The following NCAM2 variants were observed in gnomAD, a reference collection of about 807,000 sequenced individuals.
The protein encoded by NCAM2 is N-CAM-2.
In NCAM2, 30 loss-of-function variants were observed where a neutral mutation model predicts 98.1. The observed-to-expected ratio is 0.31, with a 90% CI of 0.23 to 0.41. NCAM2 has a LOEUF of 0.41. Ranked by LOEUF, NCAM2 falls within the 10% of genes least tolerant of loss-of-function variation. The probability of loss-of-function intolerance (pLI) is 1.00; values close to 1 mark genes in which losing one functional copy is unlikely to be tolerated. For synonymous variants in NCAM2, 368 were observed against 342.4 expected (o/e 1.07, Z -0.83); for missense variants, 867 against 1,005.8 (o/e 0.86, Z 1.87).
chr21:21,303,006 A>G (rs2073769344), intron 5 of NCAM2, among the ~76,000 whole-genome samples: 1 of 152,120 alleles, frequency 6.6e-6, no homozygotes, highest in African/African-American at 2.4e-5. Flanking sequence ...AGAACTGAAA[A>G]CCAATACCAC....
chr21:20,999,712 T>C (rs1196070137), intron 1 of NCAM2, among the ~76,000 whole-genome samples: 8 of 152,242 alleles, frequency 5.3e-5, no homozygotes, highest in Admixed American at 1.3e-4. Flanking sequence ...ATCCCCAAGA[T>C]ATTCAGTTCT....
chr21:21,487,601 C>T (rs2826861), intron 15 of NCAM2, among the ~76,000 whole-genome samples: 39,473 of 151,986 alleles, frequency 0.26, 5,177 homozygotes, highest in South Asian at 0.35. Flanking sequence ...GATTGATTTA[C>T]TTATGCATGA....
At chr21:21,452,792 A>AT (rs201563269) in intron 12 of NCAM2, among the ~76,000 whole-genome samples, 2 of 80,382 alleles carry the variant, frequency 2.5e-5, no homozygotes, top group Non-Finnish European at 4.5e-5. Context: ...TACTTTATAT[A>AT]TAAAATATAG....
chr21:21,374,286 C>A (rs376383793), intron 9 of NCAM2, among the ~76,000 whole-genome samples: 2 of 151,796 alleles, frequency 1.3e-5, no homozygotes, highest in East Asian at 3.9e-4. Flanking sequence ...AACACAGTAT[C>A]AACTGAAAAA....
At chr21:21,198,673 A>G (rs1484022829) in intron 1 of NCAM2, among the ~76,000 whole-genome samples, 1 of 152,192 alleles carries the variant, frequency 6.6e-6, no homozygotes, top group African/African-American at 2.4e-5. Flanking sequence ...GGGAACAGAA[A>G]AAACAGACAT....
chr21:21,527,237 G>A (rs1019375864), intron 16 of NCAM2, among the ~76,000 whole-genome samples: 5 of 151,454 alleles, frequency 3.3e-5, no homozygotes, highest in African/African-American at 1.2e-4. Context: ...TCAACTTCCT[G>A]AGTAGCTGGG....
intron 12 of NCAM2, among the ~76,000 whole-genome samples, chr21:21,465,032 A>G (rs1983498791): frequency 6.6e-6 from 1 of 152,142 alleles, no homozygotes; most frequent in African/African-American, 2.4e-5. Context: ...AAGCAAGTTC[A>G]GTTTTCTTAT....
chr21:21,515,798 A>T (rs1988677423), intron 16 of NCAM2, among the ~76,000 whole-genome samples: 1 of 152,148 alleles, frequency 6.6e-6, no homozygotes, highest in Non-Finnish European at 1.5e-5. Context: ...TAATGACCAC[A>T]CTTAGCTAGA....
In NCAM2 at chr21:21,338,515, C is replaced by G. The variant is rs778731911; in HGVS notation, c.1025C>G (p.Thr342Arg). 3.4e-5 allele frequency: 54 copies of G among 1,610,460 alleles called. 1 individual carries two copies. The East Asian group carries it at 1.1e-3, about 33-fold the overall frequency. Reference protein sequence around the residue: ...ITWKRAVDGFTFTEGDKSLDG... With the variant: ...ITWKRAVDGFRFTEGDKSLDG... The stretch of plus-strand genomic sequence containing the variant: ...TGGAAAAGAGCTGTGGATGGCTTCA[C>G]GTTCACTGAAGGCGATAAGGTAACC... Residue 342 changes from threonine (T) to arginine (R), a missense_variant, in exon 8 of 18, where the codon ACG becomes AGG. Thr to Arg is a moderately conservative substitution (Grantham distance 71). Transcript: ENST00000400546.
At chr21:21,249,526 ATG>A (rs1031451108) in intron 1 of NCAM2, among the ~76,000 whole-genome samples, 3 of 152,146 alleles carry the variant, frequency 2.0e-5, no homozygotes, top group Admixed American at 2.0e-4. Flanking sequence ...TGAAATTTGG[ATG>A]TGTCTTACAG....
At chr21:21,368,772 A>G (rs144782584) in intron 8 of NCAM2, among the ~76,000 whole-genome samples, 3 of 151,976 alleles carry the variant, frequency 2.0e-5, no homozygotes, top group East Asian at 3.9e-4. Flanking sequence ...GGATTTCAAC[A>G]TATGAACTTT....
chr21:21,058,134 T>C (rs924566633), intron 1 of NCAM2, among the ~76,000 whole-genome samples: 1 of 94,114 alleles, frequency 1.1e-5, no homozygotes, highest in Non-Finnish European at 2.0e-5. Context: ...AAGTGGGCCC[T>C]AAGTCTCTTC....
chr21:21,139,144 A>C (rs186064100), intron 1 of NCAM2, among the ~76,000 whole-genome samples: 14 of 152,336 alleles, frequency 9.2e-5, no homozygotes, highest in Non-Finnish European at 1.9e-4. Context: ...TTATAAGAAA[A>C]AGGCAGAGGG....
At chr21:21,110,882 T>A (rs78318339) in intron 1 of NCAM2, among the ~76,000 whole-genome samples, 2,164 of 152,070 alleles carry the variant, frequency 0.014, 27 homozygotes, top group Non-Finnish European at 0.02. Flanking sequence ...TCAGTGAGAA[T>A]ATCAAAATGG....
At chr21:21,487,918 C>T (rs1986526174) in intron 15 of NCAM2, among the ~76,000 whole-genome samples, 1 of 152,080 alleles carries the variant, frequency 6.6e-6, no homozygotes, top group Non-Finnish European at 1.5e-5. Flanking sequence ...TTTCCTAATA[C>T]TATAGGTCAT....
chr21:21,300,620 C>T (rs1415106881), intron 5 of NCAM2, among the ~76,000 whole-genome samples: 1 of 151,984 alleles, frequency 6.6e-6, no homozygotes, highest in Non-Finnish European at 1.5e-5. Flanking sequence ...ACCATTAATC[C>T]TTCAAGGAAA....
chr21:21,041,194 C>T (rs1403303835), intron 1 of NCAM2, among the ~76,000 whole-genome samples: 1 of 152,054 alleles, frequency 6.6e-6, no homozygotes, highest in Non-Finnish European at 1.5e-5. Flanking sequence ...ATATAAGAAA[C>T]ATAGAACCTA....
Position 21,232,129 on chromosome 21 carries a change from A to G in NCAM2, c.56-48449A>G, listed in dbSNP as rs547209062. ...AACTCTGATGATACTTGACTCATAG[A>G]GAGGATCAGAAGGAGCTTTCTGATG... On this transcript the variant is annotated intron_variant, in intron 1 of 17. Transcript: ENST00000400546. Among the ~76,000 whole-genome samples the G allele has an allele frequency of 3.3e-5, 5 of 151,614 alleles. No individual in the cohort carries two copies. The South Asian group carries it at 1.0e-3, about 31-fold the overall frequency.
chr21:21,030,196 A>C (rs1235149701), intron 1 of NCAM2, among the ~76,000 whole-genome samples: 1 of 152,150 alleles, frequency 6.6e-6, no homozygotes, highest in Non-Finnish European at 1.5e-5. Context: ...ATTTCACTTA[A>C]GCCTAAACAT....
Sources: gnomAD v4.1 joint callset for allele counts (sites outside exome capture counted in the v4.1 genomes callset) on GRCh38, gnomAD v4.1.1 for gene constraint, MANE v1.5 for transcripts, NCBI Gene and HGNC (gene_info 2026-07-23, HGNC 2026-07-21) for gene names.